Variants in TRIM61 observed in about 807,000 individuals in gnomAD.
The protein encoded by TRIM61 is putative tripartite motif-containing protein 61.
Under a neutral mutation model 14.2 loss-of-function variants are expected in TRIM61, and 1 was observed. The ratio of observed to expected loss-of-function variants is 0.07; its 90% CI spans 0.03 to 0.33. The LOEUF is 0.33. Ranked by LOEUF, TRIM61 falls within the 10% of genes least tolerant of loss-of-function variation. TRIM61 has a pLI of 0.99. For missense variants in TRIM61, 19 were observed against 202.2 expected (o/e 0.09, Z 5.49); for synonymous variants, 8 against 71.6 (o/e 0.11, Z 4.49).
chr4:164,974,905 A>C (rs950000982), intron 2 of TRIM61, among the ~76,000 whole-genome samples: 2 of 152,098 alleles, frequency 1.3e-5, no homozygotes, highest in African/African-American at 2.4e-5. Flanking sequence ...TAGGGTGCTC[A>C]GAGATTGGAA....
At position 164,954,535 on chromosome 4, in the gene TRIM61, T is replaced by A. The variant is rs913227263; in HGVS notation, c.*250A>T. Reference sequence around the variant, plus strand: ...CAATATACATCTAAAATTATATATATTGATTATAATTCAATATGTTCTTGT... The same window carrying A: ...CAATATACATCTAAAATTATATATAATGATTATAATTCAATATGTTCTTGT... On this transcript the variant is annotated 3_prime_UTR_variant, in exon 5 of 5. Coordinates refer to ENST00000329314, the MANE Select transcript of TRIM61 (RefSeq NM_001012414.3). 2.6e-5 allele frequency: 4 copies of A among 151,988 alleles called. No homozygotes were observed. Among genetic ancestry groups the A allele is most frequent in the African/African-American group, 9.7e-5 (4 of 41,214 alleles). 9.4% of individuals were successfully genotyped at this position (151,988 alleles called of 1,614,324 possible).
intron 3 of TRIM61, among the ~76,000 whole-genome samples, chr4:164,967,949 C>T (rs1023401628): frequency 2.0e-5 from 3 of 151,766 alleles, no homozygotes; most frequent in East Asian, 1.9e-4. Context: ...GTCAGGAGTT[C>T]GACACCAGCC....
intron 3 of TRIM61, among the ~76,000 whole-genome samples, chr4:164,967,490 G>C (rs1579146832): frequency 6.6e-6 from 1 of 152,188 alleles, no homozygotes; most frequent in African/African-American, 2.4e-5. Flanking sequence ...CCAAAGTGAA[G>C]TGAAGGACAG....
chr4:164,962,705 AAAG>A (rs1298568160), intron 3 of TRIM61, among the ~76,000 whole-genome samples: 2 of 151,944 alleles, frequency 1.3e-5, no homozygotes, highest in Non-Finnish European at 2.9e-5. Context: ...AAAAAAAAAA[AAAG>A]TACTTTGGGC....
At chr4:164,969,373 C>T (rs1732309366) in intron 3 of TRIM61, 1 of 1,573,834 alleles carries the variant, frequency 6.4e-7, no homozygotes, top group East Asian at 2.2e-5. Context: ...CTAAAATATC[C>T]ATCTCTTCAT....
chr4:164,966,840 C>T (rs552169284), intron 3 of TRIM61, among the ~76,000 whole-genome samples: 164 of 152,180 alleles, frequency 1.1e-3, no homozygotes, highest in African/African-American at 3.9e-3. Flanking sequence ...GGCTCCAGAA[C>T]TGCTTGGACC....
At chr4:164,966,396 A>C (rs535642449) in intron 3 of TRIM61, among the ~76,000 whole-genome samples, 1 of 152,350 alleles carries the variant, frequency 6.6e-6, no homozygotes, top group East Asian at 1.9e-4. Context: ...AGGCTGTTCC[A>C]AATTCTTGTC....
intron 2 of TRIM61, among the ~76,000 whole-genome samples, chr4:164,974,980 C>A (rs903840947): frequency 6.6e-6 from 1 of 151,958 alleles, no homozygotes; most frequent in African/African-American, 2.4e-5. Flanking sequence ...CACTTGTAAT[C>A]CCAGCACTTT....
intron 3 of TRIM61, among the ~76,000 whole-genome samples, chr4:164,962,134 G>A (rs965470476): frequency 1.9e-4 from 29 of 151,950 alleles, no homozygotes; most frequent in African/African-American, 6.3e-4. Flanking sequence ...GCATGAAGGA[G>A]GATAAGAAGG....
At chr4:164,970,619 A>T (rs111653660) in intron 2 of TRIM61, among the ~76,000 whole-genome samples, 1 of 152,164 alleles carries the variant, frequency 6.6e-6, no homozygotes, top group Non-Finnish European at 1.5e-5. Context: ...GAGAAAATTA[A>T]TTCAGATTGT....
chr4:164,968,532 G>T (rs1878924), intron 3 of TRIM61: 1 of 985,728 alleles, frequency 1.0e-6, no homozygotes, highest in African/African-American at 1.7e-5. Flanking sequence ...GCCAAAACTA[G>T]ATTCACTGGC....
At chr4:164,967,937 A>G (rs975314124) in intron 3 of TRIM61, among the ~76,000 whole-genome samples, 7 of 152,124 alleles carry the variant, frequency 4.6e-5, no homozygotes. Context: ...GAATCACTGG[A>G]GGTCAGGAGT....
intron 2 of TRIM61, among the ~76,000 whole-genome samples, chr4:164,972,455 C>T (rs547383651): frequency 3.0e-4 from 46 of 152,282 alleles, no homozygotes; most frequent in Admixed American, 1.0e-3. Flanking sequence ...CCTGCCTCCA[C>T]CTTTGTCCTA....
At chr4:164,955,605 GA>G (rs1414990913) in intron 3 of TRIM61, among the ~76,000 whole-genome samples, 1 of 147,382 alleles carries the variant, frequency 6.8e-6, no homozygotes, top group East Asian at 2.0e-4. Context: ...TTTTCCAGAA[GA>G]TATGTCTTTA....
At chr4:164,971,162 A>G (rs1471390998) in intron 2 of TRIM61, among the ~76,000 whole-genome samples, 1 of 152,230 alleles carries the variant, frequency 6.6e-6, no homozygotes, top group Non-Finnish European at 1.5e-5. Context: ...TGTGTATCAC[A>G]TAATGTTGTA....
At chr4:164,973,996 C>T (rs1285751348) in intron 2 of TRIM61, among the ~76,000 whole-genome samples, 1 of 152,226 alleles carries the variant, frequency 6.6e-6, no homozygotes, top group Non-Finnish European at 1.5e-5. Context: ...ATGGTAAAAC[C>T]TTGTCTCTCC....
intron 2 of TRIM61, among the ~76,000 whole-genome samples, chr4:164,972,486 T>G (rs1442553322): frequency 7.4e-6 from 1 of 135,598 alleles, no homozygotes; most frequent in Non-Finnish European, 1.6e-5. Context: ...AATTCAAGAT[T>G]TGCCTATTGC....
At chr4:164,955,253 G>A (rs1032966443) in intron 3 of TRIM61, among the ~76,000 whole-genome samples, 2 of 151,986 alleles carry the variant, frequency 1.3e-5, no homozygotes, top group African/African-American at 4.8e-5. Flanking sequence ...TCTCATAAGG[G>A]GCCTCATGCT....
intron 3 of TRIM61, among the ~76,000 whole-genome samples, chr4:164,967,793 A>C (rs1296012070): frequency 2.6e-5 from 4 of 152,062 alleles, no homozygotes; most frequent in Admixed American, 2.6e-4. Flanking sequence ...TGAGGCCACA[A>C]GTTCAACACC....
Sources: gnomAD v4.1 joint callset for allele counts (sites outside exome capture counted in the v4.1 genomes callset) on GRCh38, gnomAD v4.1.1 for gene constraint, MANE v1.5 for transcripts, NCBI Gene and HGNC (gene_info 2026-07-23, HGNC 2026-07-21) for gene names.